The following NKD1 variants were observed in gnomAD, a reference collection of about 807,000 sequenced individuals.
NKD1 encodes the protein protein naked cuticle homolog 1.
A neutral mutation model predicts 56.0 loss-of-function variants in NKD1; 21 were observed. That is an observed-to-expected ratio of 0.38 (90% confidence interval 0.27 to 0.54). NKD1 has a LOEUF of 0.54. Among genes scored for constraint, NKD1 ranks in the 20% least tolerant of loss-of-function variants. The probability of loss-of-function intolerance (pLI) is 0.82; values close to 1 mark genes in which losing one functional copy is unlikely to be tolerated. For synonymous variants in NKD1, 263 were observed against 265.7 expected (o/e 0.99, Z 0.10); for missense variants, 578 against 642.7 (o/e 0.90, Z 1.09).
At chr16:50,550,646 C>T (rs565425960) in intron 3 of NKD1, among the ~76,000 whole-genome samples, 1 of 152,000 alleles carries the variant, frequency 6.6e-6, no homozygotes, top group Non-Finnish European at 1.5e-5. Context: ...TTGGCCGGGT[C>T]GGACTTGGAG....
At chr16:50,586,695 A>G (rs1961238274) in intron 3 of NKD1, among the ~76,000 whole-genome samples, 1 of 152,148 alleles carries the variant, frequency 6.6e-6, no homozygotes, top group Admixed American at 6.5e-5. Context: ...GAAAAGTTCA[A>G]CCCATCAAGA....
At chr16:50,549,620 C>T in intron 3 of NKD1, 65 bp downstream of exon 3, 1 of 1,421,896 alleles carries the variant, frequency 7.0e-7, no homozygotes, top group Non-Finnish European at 9.4e-7. Flanking sequence ...GGTCCCCAAA[C>T]CCATGCACCC....
chr16:50,628,022 TCCTCTGCGG>T (rs1201373926), intron 6 of NKD1, among the ~76,000 whole-genome samples: 1 of 151,436 alleles, frequency 6.6e-6, no homozygotes, highest in Non-Finnish European at 1.5e-5. Context: ...ACAAGGAGAG[TCCTCTGCGG>T]GCCTCGTCGA....
intron 3 of NKD1, among the ~76,000 whole-genome samples, chr16:50,583,631 T>C (rs972254390): frequency 6.6e-6 from 1 of 152,204 alleles, no homozygotes; most frequent in African/African-American, 2.4e-5. Flanking sequence ...CGGTTTTTTT[T>C]ACACAATGAT....
At chr16:50,576,773 T>C (rs1596715809) in intron 3 of NKD1, among the ~76,000 whole-genome samples, 2 of 151,752 alleles carry the variant, frequency 1.3e-5, no homozygotes, top group South Asian at 2.1e-4. Context: ...AAGAATGACT[T>C]ATAAAAACTC....
chr16:50,585,852 T>C (rs962894641), intron 3 of NKD1, among the ~76,000 whole-genome samples: 2 of 152,206 alleles, frequency 1.3e-5, no homozygotes, highest in Non-Finnish European at 2.9e-5. Context: ...CTGATCACTG[T>C]GTGTTTGTCA....
chr16:50,632,508 C>T lies in NKD1; in HGVS notation c.823+100C>T, dbSNP rs373117237. 19 of 1,179,132 alleles carry T rather than the reference C, an allele frequency of 1.6e-5. No homozygotes were observed. Among genetic ancestry groups the T allele is most frequent in the African/African-American group, 1.2e-4 (8 of 65,838 alleles). The allele number at this position is 1,179,132 out of a possible 1,614,324, so 73.0% of individuals were successfully genotyped here. On this transcript the variant is annotated intron_variant, in intron 9 of 9. Transcript: ENST00000268459. The surrounding 1 kb of genome is among the most constrained non-coding windows in gnomAD (Gnocchi z 4.1). The stretch of plus-strand genomic sequence containing the variant: ...TGGTGTTCACTGCTACCCCAGGCTT[C>T]GGTAAGACAACTATTATGGGACAGG...
chr16:50,574,327 G>T (rs576392583), intron 3 of NKD1: 1 of 985,424 alleles, frequency 1.0e-6, no homozygotes, highest in South Asian at 4.7e-5. Flanking sequence ...AGAACTGGGG[G>T]CTGAGGTGTC....
Position 50,553,066 on chromosome 16 carries a change from A to C in NKD1, c.192+3511A>C, listed in dbSNP as rs547361975. Among the ~76,000 whole-genome samples the C allele has an allele frequency of 1.8e-4, 27 of 152,354 alleles. No individual in the cohort carries two copies. In the South Asian group the frequency reaches 5.6e-3, roughly 32 times the overall value. ...ATGTTAAACAATTAGAAAGCAAAAT[A>C]AGCATCATAAACTCAGAGAGAAACG... On this transcript the variant is annotated intron_variant, in intron 3 of 9. Transcript: ENST00000268459.
chr16:50,577,192 C>G (rs976333043), intron 3 of NKD1, among the ~76,000 whole-genome samples: 2 of 152,162 alleles, frequency 1.3e-5, no homozygotes, highest in Non-Finnish European at 2.9e-5. Context: ...GACCTTGTGG[C>G]CCTCACTTGT....
At chr16:50,548,603 G>A in intron 1 of NKD1, 25 bp downstream of exon 1, 1 of 1,441,294 alleles carries the variant, frequency 6.9e-7, no homozygotes, top group Non-Finnish European at 9.0e-7. Flanking sequence ...CCGCGCGCTC[G>A]CCCCGGGCCC....
At chr16:50,614,074 G>A (rs996071631) in intron 4 of NKD1, among the ~76,000 whole-genome samples, 5 of 152,172 alleles carry the variant, frequency 3.3e-5, no homozygotes, top group Non-Finnish European at 7.3e-5. Flanking sequence ...GAAGTCCCTG[G>A]TGGCATTTCT....
intron 5 of NKD1, among the ~76,000 whole-genome samples, chr16:50,624,316 G>A (rs566614684): frequency 7.2e-5 from 11 of 152,210 alleles, no homozygotes; most frequent in African/African-American, 2.6e-4. Context: ...ACAGCCCTCC[G>A]GTGACCAGCT....
intron 3 of NKD1, among the ~76,000 whole-genome samples, chr16:50,602,655 G>T (rs181454001): frequency 6.6e-6 from 1 of 152,204 alleles, no homozygotes; most frequent in East Asian, 1.9e-4. Flanking sequence ...GTCGTCTTCC[G>T]CATGTTCACC....
At chr16:50,626,079 C>T (rs767278479) in intron 6 of NKD1, among the ~76,000 whole-genome samples, 5 of 152,226 alleles carry the variant, frequency 3.3e-5, no homozygotes, top group Non-Finnish European at 5.9e-5. Context: ...GTGCTAAGGG[C>T]CCTGCCAGTG....
At position 50,644,801 on chromosome 16, in the gene NKD1, G is replaced by A. The variant is rs1423909254; in HGVS notation, c.*11020G>A. The A allele has an allele frequency of 7.2e-5, 11 of 152,436 alleles. No individual in the cohort carries two copies. Among genetic ancestry groups the A allele is most frequent in the African/African-American group, 1.9e-4 (8 of 41,588 alleles). 9.4% of individuals were successfully genotyped at this position (152,436 alleles called of 1,614,324 possible). ...GAAATTCCTGGCCAGAATATTTCCA[G>A]TGTGGTGCATGTGAACTTCCCGCCT... On this transcript the variant is annotated 3_prime_UTR_variant, in exon 10 of 10. Coordinates refer to ENST00000268459, the MANE Select transcript of NKD1 (RefSeq NM_033119.5).
intron 5 of NKD1, among the ~76,000 whole-genome samples, chr16:50,624,627 C>T (rs1042262652): frequency 6.6e-5 from 10 of 152,268 alleles, no homozygotes; most frequent in African/African-American, 2.2e-4. Context: ...GATCCTGGGG[C>T]GCAGGTGCGA....
rs1178831909 is a variant in NKD1, at chr16:50,598,919, G to C, written c.193-9375G>C. Among the ~76,000 whole-genome samples, 1 of 151,590 alleles carries C rather than the reference G, an allele frequency of 6.6e-6. No homozygotes were observed. The highest frequency in any genetic ancestry group is 1.5e-5 in the Non-Finnish European group (1 of 67,854). The stretch of plus-strand genomic sequence containing the variant: ...GGTGGGGTCAGTGGTGTGGTGGGCA[G>C]TGGTGGGGCAGGATCAGTGGTGTGG... On this transcript the variant is annotated intron_variant, in intron 3 of 9. Coordinates refer to ENST00000268459, the MANE Select transcript of NKD1 (RefSeq NM_033119.5). This position sits in a 1 kb window ranked among gnomAD's most constrained non-coding sequence, Gnocchi z 4.2.
At chr16:50,597,267 G>T (rs909806015) in intron 3 of NKD1, among the ~76,000 whole-genome samples, 1 of 152,052 alleles carries the variant, frequency 6.6e-6, no homozygotes, top group African/African-American at 2.4e-5. Flanking sequence ...GAAGCAGGGA[G>T]CTGCCCTGTG....
Sources: gnomAD v4.1 joint callset for allele counts (sites outside exome capture counted in the v4.1 genomes callset) on GRCh38, gnomAD v4.1.1 for gene constraint, Gnocchi (gnomAD v3.1) non-coding constraint, MANE v1.5 for transcripts, NCBI Gene and HGNC (gene_info 2026-07-23, HGNC 2026-07-21) for gene names.